Variants in CELF4 observed in about 807,000 individuals in gnomAD.
CELF4 encodes CUG-BP- and ETR-3-like factor 4.
Under a neutral mutation model 59.9 loss-of-function variants are expected in CELF4, and 18 were observed. The ratio of observed to expected loss-of-function variants is 0.30; its 90% CI spans 0.21 to 0.45. The LOEUF is 0.45. Among genes scored for constraint, CELF4 ranks in the 20% least tolerant of loss-of-function variants. The probability of loss-of-function intolerance (pLI) is 1.00; values close to 1 mark genes in which losing one functional copy is unlikely to be tolerated. For missense variants in CELF4, 456 were observed against 689.0 expected (o/e 0.66, Z 3.79); for synonymous variants, 261 against 267.1 (o/e 0.98, Z 0.22).
chr18:37,479,955 C>G (rs2099861727), intron 2 of CELF4, among the ~76,000 whole-genome samples: 1 of 152,176 alleles, frequency 6.6e-6, no homozygotes, highest in South Asian at 2.1e-4. Context: ...GAGGGAACGC[C>G]ATCTACAACT....
chr18:37,409,738 T>C (rs1378053883), intron 2 of CELF4, among the ~76,000 whole-genome samples: 1 of 152,020 alleles, frequency 6.6e-6, no homozygotes, highest in Non-Finnish European at 1.5e-5. Context: ...GGGACAGAAG[T>C]GTCAGGACTC....
At chr18:37,357,388 G>GT (rs1375507948) in intron 2 of CELF4, among the ~76,000 whole-genome samples, 2 of 152,250 alleles carry the variant, frequency 1.3e-5, no homozygotes, top group Non-Finnish European at 2.9e-5. Flanking sequence ...TGCTGAGCCT[G>GT]TGAGTACACA....
At chr18:37,355,472 A>C (rs1404564064) in intron 2 of CELF4, among the ~76,000 whole-genome samples, 1 of 152,184 alleles carries the variant, frequency 6.6e-6, no homozygotes, top group Non-Finnish European at 1.5e-5. Flanking sequence ...CAGGAGTTTG[A>C]GACCAGCCTG....
intron 2 of CELF4, among the ~76,000 whole-genome samples, chr18:37,324,492 A>G (rs2097230653): frequency 6.6e-6 from 1 of 152,166 alleles, no homozygotes; most frequent in Non-Finnish European, 1.5e-5. Flanking sequence ...CCACACCTTG[A>G]TCTTGGGCTT....
At chr18:37,485,888 C>T in intron 1 of CELF4, 1 of 281,668 alleles carries the variant, frequency 3.6e-6, no homozygotes, top group Non-Finnish European at 6.5e-6. Context: ...TTACGGTTCT[C>T]TCCTTACCCC....
chr18:37,484,613 A>G (rs913003072), intron 2 of CELF4, among the ~76,000 whole-genome samples: 5 of 152,206 alleles, frequency 3.3e-5, no homozygotes, highest in African/African-American at 1.2e-4. Flanking sequence ...GATGCAAAGG[A>G]AGGCTGCCCC....
chr18:37,514,752 T>C (rs1168341469), intron 1 of CELF4, among the ~76,000 whole-genome samples: 1 of 152,190 alleles, frequency 6.6e-6, no homozygotes. Flanking sequence ...TTTCCCCCTC[T>C]CCTTTGAAAA....
intron 2 of CELF4, among the ~76,000 whole-genome samples, chr18:37,426,419 C>T (rs1435499196): frequency 6.6e-6 from 1 of 152,198 alleles, no homozygotes; most frequent in African/African-American, 2.4e-5. Flanking sequence ...GGAGGGGACA[C>T]AGACTGTCCT....
chr18:37,422,864 G>A (rs760628275), intron 2 of CELF4, among the ~76,000 whole-genome samples: 8 of 152,176 alleles, frequency 5.3e-5, no homozygotes, highest in Admixed American at 3.9e-4. Flanking sequence ...TTCCCCAGCA[G>A]AAATGACCCA....
rs986956974 is a variant in CELF4, at chr18:37,266,463, C to T, written c.1165+70G>A. On this transcript the variant is annotated intron_variant, in intron 9 of 12. Coordinates refer to ENST00000420428, the MANE Select transcript of CELF4 (RefSeq NM_020180.4). The stretch of plus-strand genomic sequence containing the variant: ...AGTGCTGGCCCCAGGCCTGAGGGGG[C>T]ACTGGTGTCACAGGCGTGGAGAGAT... 1.1e-5 allele frequency: 15 copies of T among 1,407,088 alleles called. No individual in the cohort carries two copies. The African/African-American group carries it at 2.1e-4, about 20-fold the overall frequency. 87.2% of individuals were successfully genotyped at this position (1,407,088 alleles called of 1,614,324 possible).
intron 2 of CELF4, among the ~76,000 whole-genome samples, chr18:37,462,409 T>G (rs1016899695): frequency 3.3e-5 from 5 of 152,190 alleles, no homozygotes; most frequent in Non-Finnish European, 7.3e-5. Context: ...CGGAGGCCTT[T>G]CTGTCTGGCT....
intron 2 of CELF4, among the ~76,000 whole-genome samples, chr18:37,358,400 C>T (rs562977289): frequency 2.4e-4 from 37 of 152,312 alleles, no homozygotes; most frequent in Non-Finnish European, 4.7e-4. Context: ...TCCCCAGCCA[C>T]GTGGAACTGT....
At chr18:37,340,298 T>C (rs1431920075) in intron 2 of CELF4, among the ~76,000 whole-genome samples, 1 of 152,246 alleles carries the variant, frequency 6.6e-6, no homozygotes. Flanking sequence ...CTTGTGCCTT[T>C]GCCAGCTGGG....
chr18:37,307,692 G>A (rs1407373848), intron 3 of CELF4, among the ~76,000 whole-genome samples: 1 of 152,110 alleles, frequency 6.6e-6, no homozygotes, highest in Non-Finnish European at 1.5e-5. Context: ...GGGCCTCATG[G>A]TACAAGCACA....
In CELF4 at chr18:37,259,276, G is replaced by T; in HGVS notation, c.1250-12C>A. The T allele has an allele frequency of 8.5e-7, 1 of 1,172,472 alleles. No homozygotes were observed. The highest frequency in any genetic ancestry group is 1.3e-6 in the Non-Finnish European group (1 of 788,204). 72.6% of individuals were successfully genotyped at this position (1,172,472 alleles called of 1,614,324 possible). A position where few individuals can be genotyped will look rare whatever the true frequency, so the allele number is the denominator to read the frequency against. On this transcript the variant is annotated splice_polypyrimidine_tract_variant and intron_variant, in intron 10 of 12. Coordinates refer to ENST00000420428, the MANE Select transcript of CELF4 (RefSeq NM_020180.4). ...ACAGCCCTCGGGCCCTGCGGTGAGG[G>T]GAGGGGGTGGGCGGGGGAGGAGGGA...
intron 3 of CELF4, among the ~76,000 whole-genome samples, chr18:37,320,668 G>C (rs983573477): frequency 6.6e-6 from 1 of 152,332 alleles, no homozygotes; most frequent in South Asian, 2.1e-4. Context: ...CCTTCTCCGG[G>C]GAAGTGGCTG....
chr18:37,336,863 G>A (rs1321091251), intron 2 of CELF4, among the ~76,000 whole-genome samples: 2 of 152,184 alleles, frequency 1.3e-5, no homozygotes, highest in Admixed American at 1.3e-4. Flanking sequence ...CTGGCCCTGG[G>A]GTGCCCTTTG....
At chr18:37,500,169 C>G (rs974676044) in intron 1 of CELF4, among the ~76,000 whole-genome samples, 1 of 152,186 alleles carries the variant, frequency 6.6e-6, no homozygotes, top group Middle Eastern at 3.2e-3. Flanking sequence ...CAGATTCATG[C>G]GAGGAGGTGT....
rs116386752 is a variant in CELF4 at position 37,333,244 on chromosome 18, C to A, written c.370-11363G>T. Reference sequence around the variant, plus strand: ...GGGTGTGGAGGGGATTAAACATGATCGCTCAGGCCAAGCTCTGAACATCGT... The same window carrying A: ...GGGTGTGGAGGGGATTAAACATGATAGCTCAGGCCAAGCTCTGAACATCGT... On this transcript the variant is annotated intron_variant, in intron 2 of 12. Coordinates refer to ENST00000420428, the MANE Select transcript of CELF4 (RefSeq NM_020180.4). Among the ~76,000 whole-genome samples the A allele has an allele frequency of 6.6e-5, 10 of 152,182 alleles. No individual in the cohort carries two copies. The East Asian group carries it at 1.9e-3, about 30-fold the overall frequency.
Sources: gnomAD v4.1 joint callset for allele counts (sites outside exome capture counted in the v4.1 genomes callset) on GRCh38, gnomAD v4.1.1 for gene constraint, MANE v1.5 for transcripts, NCBI Gene and HGNC (gene_info 2026-07-23, HGNC 2026-07-21) for gene names.